BCAS3: variants seen among roughly 807,000 people sequenced by gnomAD.
BCAS3 encodes the protein BCAS4/BCAS3 fusion.
A neutral mutation model predicts 116.1 loss-of-function variants in BCAS3; 53 were observed. The observed-to-expected ratio is 0.46, with a 90% confidence interval of 0.37 to 0.57. BCAS3 has a LOEUF of 0.57. Among genes scored for constraint, BCAS3 ranks in the 20% least tolerant of loss-of-function variants. BCAS3 has a pLI of 0.00. For synonymous variants in BCAS3, 391 were observed against 408.2 expected, an observed-to-expected ratio of 0.96 and a Z score of 0.51; for missense variants, 917 against 1,165.4, an observed-to-expected ratio of 0.79 and a Z score of 3.10.
At chr17:61,054,332 T>C (rs1383239479) in intron 19 of BCAS3, among the ~76,000 whole-genome samples, 1 of 152,304 alleles carries the variant, frequency 6.6e-6, no homozygotes, top group Non-Finnish European at 1.5e-5. Flanking sequence ...GGAAAAAAAG[T>C]GTGCGTGTCG....
intron 12 of BCAS3, among the ~76,000 whole-genome samples, chr17:60,922,186 G>A (rs1042871091): frequency 1.3e-5 from 2 of 152,010 alleles, no homozygotes; most frequent in African/African-American, 4.8e-5. Flanking sequence ...GAGTGCAATG[G>A]CACGATCTCA....
At chr17:61,184,631 A>G (rs1228923458) in intron 22 of BCAS3, among the ~76,000 whole-genome samples, 2 of 152,192 alleles carry the variant, frequency 1.3e-5, no homozygotes, top group Non-Finnish European at 2.9e-5. Flanking sequence ...AATGAAAATC[A>G]GTGTTTATAA....
chr17:60,934,666 ATTC>A (rs1348723178), intron 13 of BCAS3, among the ~76,000 whole-genome samples: 1 of 152,194 alleles, frequency 6.6e-6, no homozygotes, highest in South Asian at 2.1e-4. Context: ...TTGTTTCACT[ATTC>A]TTATTCAGAT....
At chr17:61,168,786 T>C (rs1318859537) in intron 22 of BCAS3, among the ~76,000 whole-genome samples, 1 of 152,244 alleles carries the variant, frequency 6.6e-6, no homozygotes, top group African/African-American at 2.4e-5. Flanking sequence ...TATAACTGCT[T>C]ATACCTTATG....
At chr17:61,264,849 A>G (rs1281049913) in intron 22 of BCAS3, among the ~76,000 whole-genome samples, 2 of 152,214 alleles carry the variant, frequency 1.3e-5, no homozygotes, top group African/African-American at 4.8e-5. Context: ...CTAATATCTC[A>G]TACCTTTCAA....
At chr17:60,739,518 G>A (rs1011460403) in intron 5 of BCAS3, among the ~76,000 whole-genome samples, 5 of 152,074 alleles carry the variant, frequency 3.3e-5, no homozygotes, top group African/African-American at 9.7e-5. Context: ...TACTTGGGAG[G>A]CTGAGGCAGG....
intron 5 of BCAS3, among the ~76,000 whole-genome samples, chr17:60,742,265 G>A (rs1242653566): frequency 3.9e-5 from 6 of 152,098 alleles, no homozygotes; most frequent in Non-Finnish European, 8.8e-5. Context: ...ACAGCTCAGA[G>A]TATTGTACAG....
At chr17:60,872,027 A>T (rs975981558) in intron 8 of BCAS3, among the ~76,000 whole-genome samples, 1 of 151,700 alleles carries the variant, frequency 6.6e-6, no homozygotes, top group Non-Finnish European at 1.5e-5. Context: ...GTTAATAGTG[A>T]TATTCTTGTT....
rs1016334366 is a variant in BCAS3, at chr17:60,955,386, A to ATTTTTT, written c.1221+8048_1221+8053dup. Among the ~76,000 whole-genome samples the ATTTTTT allele has an allele frequency of 8.0e-4, 102 of 128,082 alleles. 3 individuals carry two copies. The highest frequency in any genetic ancestry group is 3.4e-3 in the African/African-American group (97 of 28,286). 84.0% of individuals were successfully genotyped at this position (128,082 alleles called of 152,430 possible). On this transcript the variant is annotated intron_variant, in intron 14 of 23. Transcript: ENST00000407086. ...AAAGGATCTAGTTCAGGGAAACTGA[A>ATTTTTT]TTTTTTTTTTTTTTTTTTTGAGACA...
intron 7 of BCAS3, among the ~76,000 whole-genome samples, chr17:60,814,411 T>G (rs1214288001): frequency 1.3e-5 from 2 of 152,116 alleles, no homozygotes; most frequent in Admixed American, 6.6e-5. Context: ...TTATTTTTTT[T>G]TATCCTGAAA....
chr17:61,380,067 T>C lies in BCAS3; in HGVS notation c.2593+11573T>C, dbSNP rs1232896383. The C allele has an allele frequency of 5.5e-6, 1 of 180,744 alleles. No individual in the cohort carries two copies. Among genetic ancestry groups the C allele is most frequent in the Non-Finnish European group, 1.2e-5 (1 of 84,990 alleles). 11.2% of individuals were successfully genotyped at this position (180,744 alleles called of 1,614,324 possible). A position where few individuals can be genotyped will look rare whatever the true frequency, so the allele number is the denominator to read the frequency against. Reference sequence around the variant, plus strand: ...TGAGAGCTGAGTAGGATCCTGTGGTTAGTGCCCTTGAGCTGGTCTTTGTGA... The same window carrying C: ...TGAGAGCTGAGTAGGATCCTGTGGTCAGTGCCCTTGAGCTGGTCTTTGTGA... On this transcript the variant is annotated intron_variant, in intron 23 of 23. Transcript: ENST00000407086. The surrounding 1 kb of genome is among the most constrained non-coding windows in gnomAD (Gnocchi z 4.2).
chr17:61,374,175 G>A (rs190066223), intron 23 of BCAS3, among the ~76,000 whole-genome samples: 100 of 147,178 alleles, frequency 6.8e-4, no homozygotes, highest in Admixed American at 1.8e-3. Context: ...TCTGTTTGCT[G>A]CTGTTAACTT....
chr17:61,101,345 G>A (rs1013662585), intron 22 of BCAS3, among the ~76,000 whole-genome samples: 2 of 152,070 alleles, frequency 1.3e-5, no homozygotes, highest in Admixed American at 6.6e-5. Flanking sequence ...CTTAAGAATC[G>A]TGATAGGCCA....
rs2041589882 is a variant in BCAS3 at position 61,084,366 on chromosome 17, A to T, written c.2328-101A>T. 1 of 868,548 alleles carries T rather than the reference A, an allele frequency of 1.2e-6. No homozygotes were observed. Among genetic ancestry groups the T allele is most frequent in the Non-Finnish European group, 1.8e-6 (1 of 567,142 alleles). The allele number at this position is 868,548 out of a possible 1,614,324, so 53.8% of individuals were successfully genotyped here. A position where few individuals can be genotyped will look rare whatever the true frequency, so the allele number is the denominator to read the frequency against. On this transcript the variant is annotated intron_variant, in intron 21 of 23. Coordinates refer to ENST00000407086, the MANE Select transcript of BCAS3 (RefSeq NM_017679.5). This position sits in a 1 kb window ranked among gnomAD's most constrained non-coding sequence, Gnocchi z 5.5. Reference sequence around the variant, plus strand: ...TTGTTTTAGAATGGATGGTTCTTTAATGGATTGTGCTACTCCAGCATTCCT... The same window carrying T: ...TTGTTTTAGAATGGATGGTTCTTTATTGGATTGTGCTACTCCAGCATTCCT...
At chr17:61,174,005 T>C (rs1470442277) in intron 22 of BCAS3, among the ~76,000 whole-genome samples, 1 of 152,198 alleles carries the variant, frequency 6.6e-6, no homozygotes, top group African/African-American at 2.4e-5. Context: ...AAATGGAAAT[T>C]GCACATCATC....
In BCAS3 at chr17:61,348,884, C is replaced by T. The variant is rs1403166610; in HGVS notation, c.2426-19443C>T. Among the ~76,000 whole-genome samples, 2 of 151,358 alleles carry T rather than the reference C, an allele frequency of 1.3e-5. No individual in the cohort carries two copies. Among genetic ancestry groups the T allele is most frequent in the Non-Finnish European group, 2.9e-5 (2 of 67,874 alleles). ...TCTCCTGCCTCAGCTTCCCGAGTAG[C>T]TGGGACTACAGGCGCCCACCGCCAC... On this transcript the variant is annotated intron_variant, in intron 22 of 23. Transcript: ENST00000407086. The surrounding 1 kb of genome is among the most constrained non-coding windows in gnomAD (Gnocchi z 4.5).
At chr17:60,682,791 G>T (rs1255816539) in intron 2 of BCAS3, among the ~76,000 whole-genome samples, 1 of 152,078 alleles carries the variant, frequency 6.6e-6, no homozygotes, top group South Asian at 2.1e-4. Context: ...CAAAGTGCTG[G>T]GATTACAGGT....
intron 5 of BCAS3, chr17:60,727,352 T>C: frequency 6.6e-7 from 1 of 1,505,958 alleles, no homozygotes; most frequent in South Asian, 1.1e-5. Flanking sequence ...ATAGCCACTC[T>C]GCTTCCGATC....
At chr17:60,846,432 T>G (rs966211882) in intron 7 of BCAS3, among the ~76,000 whole-genome samples, 9 of 152,216 alleles carry the variant, frequency 5.9e-5, no homozygotes, top group African/African-American at 1.9e-4. Context: ...TGTTACTGGG[T>G]ATTATATAAA....
Sources: allele counts gnomAD v4.1 joint callset (sites outside exome capture counted in the v4.1 genomes callset), GRCh38; gene constraint gnomAD v4.1.1; non-coding constraint Gnocchi (gnomAD v3.1); transcripts MANE v1.5; gene names NCBI Gene and HGNC (gene_info 2026-07-23, HGNC 2026-07-21).